Variants in C1QTNF9B observed in about 807,000 individuals in gnomAD.
The protein encoded by C1QTNF9B is complement C1q and tumor necrosis factor-related protein 9B.
A neutral mutation model predicts 10.1 loss-of-function variants in C1QTNF9B; 9 were observed. The observed-to-expected ratio is 0.89, with a 90% CI of 0.53 to 1.55. The LOEUF is 1.55. Ranked by LOEUF, C1QTNF9B falls within the 40% of genes most tolerant of loss-of-function variation. The probability of loss-of-function intolerance (pLI) is 0.00; values close to 1 mark genes in which losing one functional copy is unlikely to be tolerated. For synonymous variants in C1QTNF9B, 79 were observed against 159.9 expected, an observed-to-expected ratio of 0.49 and a Z score of 3.82; for missense variants, 196 against 414.4, an observed-to-expected ratio of 0.47 and a Z score of 4.58.
intron 1 of C1QTNF9B, among the ~76,000 whole-genome samples, chr13:23,894,817 G>A (rs1413537755): frequency 6.6e-6 from 1 of 152,192 alleles, no homozygotes; most frequent in Admixed American, 6.5e-5. Context: ...GCTCAGAACA[G>A]GCCCCCCTGA....
intron 1 of C1QTNF9B, among the ~76,000 whole-genome samples, chr13:23,895,803 T>C (rs188279126): frequency 2.5e-4 from 38 of 150,670 alleles, no homozygotes; most frequent in African/African-American, 7.8e-4. Context: ...GGTCACAGTG[T>C]GAGGGCAGAA....
rs1310329676 is a variant in C1QTNF9B, at chr13:23,892,850, G to T, written c.230-789C>A. On this transcript the variant is annotated intron_variant, in intron 2 of 2. Coordinates refer to ENST00000382137, the Ensembl canonical transcript of C1QTNF9B. ...GTCAATCCATGACAAAAAGCACTCT[G>T]CAGAGCAGAGACAGACAGATTAACT... Among the ~76,000 whole-genome samples, 15 of 152,278 alleles carry T rather than the reference G, an allele frequency of 9.9e-5. No homozygotes were observed. In the East Asian group the frequency reaches 2.7e-3, roughly 27 times the overall value.
intron 1 of C1QTNF9B, among the ~76,000 whole-genome samples, chr13:23,895,752 G>GAC (rs951227955): frequency 6.1e-4 from 76 of 124,394 alleles, no homozygotes; most frequent in African/African-American, 2.1e-3. Flanking sequence ...CACAGACACA[G>GAC]ACATACACAC....
At chr13:23,894,246 C>T (rs1450631048) in intron 1 of C1QTNF9B, 45 bp from the exon 4 acceptor site, 1 of 1,395,028 alleles carries the variant, frequency 7.2e-7, no homozygotes, top group Admixed American at 1.8e-5. Context: ...AATTCCATTT[C>T]TGATTTTTCT....
At chr13:23,892,802 T>C (rs1468593880) in intron 2 of C1QTNF9B, among the ~76,000 whole-genome samples, 2 of 152,224 alleles carry the variant, frequency 1.3e-5, no homozygotes, top group African/African-American at 4.8e-5. Context: ...CATCTAAGTC[T>C]ACCATGCTGG....
In C1QTNF9B at chr13:23,891,395, TC is replaced by T. The variant is rs1377700456; in HGVS notation, c.895del (p.Asp299MetfsTer7). ...TCCTGTCACCTGCAGCCACATCTCA[TC>T]CCCGAGCTTCAGCTGCAGGACAATG... On this transcript the variant is annotated frameshift_variant, in exon 3 of 3. Coordinates refer to ENST00000382137, the Ensembl canonical transcript of C1QTNF9B. LOFTEE classifies it high-confidence loss of function. 2 of 1,581,412 alleles carry T rather than the reference TC, an allele frequency of 1.3e-6. No homozygotes were observed. Among genetic ancestry groups the T allele is most frequent in the African/African-American group, 1.4e-5 (1 of 72,462 alleles).
rs547832348 is a variant in C1QTNF9B at position 23,894,475 on chromosome 13, G to A, written c.167-274C>T. The stretch of plus-strand genomic sequence containing the variant: ...CCTAGAGCGCACAGCAAGACAGGAC[G>A]AAGAGGGAGTGTGTGCAATGGGGAC... On this transcript the variant is annotated intron_variant, in intron 1 of 2. Transcript: ENST00000382137. 9 of 626,946 alleles carry A rather than the reference G, an allele frequency of 1.4e-5. No individual in the cohort carries two copies. The Admixed American group carries it at 1.5e-4, about 10-fold the overall frequency. The allele number at this position is 626,946 out of a possible 1,614,324, so 38.8% of individuals were successfully genotyped here. A position where few individuals can be genotyped will look rare whatever the true frequency, so the allele number is the denominator to read the frequency against.
At position 23,896,961 on chromosome 13, in the gene C1QTNF9B, G is replaced by A. The variant is rs776426096; in HGVS notation, c.26C>T (p.Ala9Val). ...TATGTTCCCTGTGCAGATTTCAATG[G>A]CAAGCAGAAGCCACCAGATCCTCAT... The change falls in exon 1 of 3, where the codon GCC (alanine) becomes GTC (valine). Residue 9 changes from alanine to valine, a missense_variant. Ala to Val is a moderately conservative substitution (Grantham distance 64). Around this residue, in one of 5 missense-constraint regions of C1QTNF9B, gnomAD observed 46 missense variants for 64.5 expected, o/e 0.71. Transcript: ENST00000382137. The A allele has an allele frequency of 5.6e-6, 9 of 1,613,804 alleles. No individual in the cohort carries two copies. The South Asian group carries it at 9.9e-5, about 18-fold the overall frequency.
At chr13:23,892,663 A>T (rs1337109761) in intron 2 of C1QTNF9B, among the ~76,000 whole-genome samples, 2 of 152,188 alleles carry the variant, frequency 1.3e-5, no homozygotes, top group African/African-American at 2.4e-5. Flanking sequence ...TCAAAAAAAT[A>T]AATAAAAGTC....
At chr13:23,892,589 A>G (rs1872049265) in intron 2 of C1QTNF9B, among the ~76,000 whole-genome samples, 1 of 152,356 alleles carries the variant, frequency 6.6e-6, no homozygotes, top group East Asian at 1.9e-4. Context: ...CAGGAGGCTG[A>G]GGCTGCAGTG....
chr13:23,891,304 C>T, exon 3 of C1QTNF9B: 1 of 1,533,848 alleles, frequency 6.5e-7, no homozygotes, highest in Non-Finnish European at 8.9e-7. Context: ...GGCTGCTGAA[C>T]AGAAGGAACC....
At chr13:23,892,618 G>A (rs1278677856) in intron 2 of C1QTNF9B, among the ~76,000 whole-genome samples, 2 of 152,132 alleles carry the variant, frequency 1.3e-5, no homozygotes, top group African/African-American at 4.8e-5. Context: ...TCAAACCACT[G>A]CACTCCAGCC....
intron 1 of C1QTNF9B, chr13:23,894,562 T>C (rs1240939824): frequency 1.3e-5 from 7 of 536,066 alleles, no homozygotes; most frequent in Non-Finnish European, 2.5e-5. Context: ...GGTCTGAATG[T>C]TGGAGGTGCG....
At position 23,894,534 on chromosome 13, in the gene C1QTNF9B, G is replaced by A. The variant is rs576250671; in HGVS notation, c.167-333C>T. ...ACAATTGATTGTGTTCCTCTCCTGC[G>A]ACAAGGACTTGGGACGTGGTCTGAA... On this transcript the variant is annotated intron_variant, in intron 1 of 2. Coordinates refer to ENST00000382137, the Ensembl canonical transcript of C1QTNF9B. The A allele has an allele frequency of 1.1e-4, 65 of 570,888 alleles. No homozygotes were observed. In the East Asian group the frequency reaches 1.6e-3, roughly 14 times the overall value. The allele number at this position is 570,888 out of a possible 1,614,324, so 35.4% of individuals were successfully genotyped here.
At chr13:23,894,698 A>C in intron 1 of C1QTNF9B, 1 of 453,158 alleles carries the variant, frequency 2.2e-6, no homozygotes. Context: ...TAGAAGAGAG[A>C]GTTCTGGAGG....
intron 1 of C1QTNF9B, 113 bp downstream of exon 3, chr13:23,896,708 A>T: frequency 6.8e-7 from 1 of 1,475,728 alleles, no homozygotes; most frequent in Non-Finnish European, 9.2e-7. Context: ...TGCTGGGTGG[A>T]TGGATGGATG....
At chr13:23,897,147 G>A, upstream of C1QTNF9B, 2 of 935,278 alleles carry the variant, frequency 2.1e-6, no homozygotes, top group African/African-American at 3.3e-5. Flanking sequence ...AGAAGACTCA[G>A]GGCAGGGGAG....
chr13:23,897,122 C>G (rs1416260266), upstream of C1QTNF9B: 22 of 1,267,438 alleles, frequency 1.7e-5, no homozygotes, highest in East Asian at 2.4e-5. Context: ...AGACCCACAC[C>G]TGGACAGACT....
At position 23,894,671 on chromosome 13, in the gene C1QTNF9B, G is replaced by A. The variant is rs146008626; in HGVS notation, c.167-470C>T. The A allele has an allele frequency of 9.3e-4, 424 of 457,242 alleles. 1 individual carries two copies. The highest frequency in any genetic ancestry group is 6.9e-3 in the African/African-American group (349 of 50,264). 28.3% of individuals were successfully genotyped at this position (457,242 alleles called of 1,614,324 possible). A position where few individuals can be genotyped will look rare whatever the true frequency, so the allele number is the denominator to read the frequency against. On this transcript the variant is annotated intron_variant, in intron 1 of 2. Transcript: ENST00000382137. ...TGAAAACACAGATGACTATGGTTACGTGACACTATCCCAAGATAGAAGAGA... is the reference window on the plus strand; with the variant it reads ...TGAAAACACAGATGACTATGGTTACATGACACTATCCCAAGATAGAAGAGA...
Sources: allele counts gnomAD v4.1 joint callset (sites outside exome capture counted in the v4.1 genomes callset), GRCh38; gene constraint gnomAD v4.1.1; regional missense constraint gnomAD v4.1.1; transcripts MANE v1.5; gene names NCBI Gene and HGNC (gene_info 2026-07-23, HGNC 2026-07-21).